The following CCDC171 variants were observed in gnomAD, a reference collection of about 807,000 sequenced individuals.
CCDC171 encodes coiled-coil domain-containing protein 171.
Under a neutral mutation model 168.2 loss-of-function variants are expected in CCDC171, and 177 were observed. The ratio of observed to expected loss-of-function variants is 1.05; its 90% CI spans 0.93 to 1.19. The LOEUF (loss-of-function observed/expected upper bound fraction) is 1.19. CCDC171 is among the 50% of genes most tolerant of loss of function. The pLI is 0.00. For missense variants in CCDC171, 1,991 were observed against 1,539.0 expected (o/e 1.29, Z -4.91); for synonymous variants, 687 against 540.8 (o/e 1.27, Z -3.75).
At chr9:15,597,517 C>G (rs1451315857) in intron 6 of CCDC171, among the ~76,000 whole-genome samples, 2 of 152,120 alleles carry the variant, frequency 1.3e-5, no homozygotes, top group Non-Finnish European at 2.9e-5. Context: ...GGTGGATAAG[C>G]TTTTTGGTGT....
intron 21 of CCDC171, among the ~76,000 whole-genome samples, chr9:15,799,653 A>G (rs1378209072): frequency 1.3e-5 from 2 of 152,060 alleles, no homozygotes; most frequent in Admixed American, 6.6e-5. Context: ...TTTTAAATGT[A>G]TAATTAAATT....
chr9:16,055,167 T>C (rs180752047), intron 1 of CCDC171, among the ~76,000 whole-genome samples: 55 of 152,336 alleles, frequency 3.6e-4, no homozygotes. Flanking sequence ...ATGTCATTTA[T>C]GGAGATGGGG....
chr9:15,689,632 A>G (rs1368274590), intron 10 of CCDC171, among the ~76,000 whole-genome samples: 1 of 152,208 alleles, frequency 6.6e-6, no homozygotes, highest in Non-Finnish European at 1.5e-5. Flanking sequence ...AATCACTTGA[A>G]TCCAGGAGCC....
intron 21 of CCDC171, among the ~76,000 whole-genome samples, chr9:15,799,102 A>G (rs1171521544): frequency 6.9e-6 from 1 of 145,098 alleles, no homozygotes; most frequent in Non-Finnish European, 1.5e-5. Context: ...AAGAAATTTT[A>G]AAAATAAGAA....
At chr9:15,650,149 A>G (rs2047393619) in intron 7 of CCDC171, among the ~76,000 whole-genome samples, 1 of 152,220 alleles carries the variant, frequency 6.6e-6, no homozygotes, top group South Asian at 2.1e-4. Flanking sequence ...TATTGCAAGG[A>G]CAAAAAACCA....
chr9:15,930,289 G>T (rs1299203204), intron 25 of CCDC171, among the ~76,000 whole-genome samples: 1 of 151,052 alleles, frequency 6.6e-6, no homozygotes, highest in African/African-American at 2.4e-5. Context: ...ATATTATTCT[G>T]TATTAGCACT....
chr9:16,070,545 GA>G, the CCDC171 span, among the ~76,000 whole-genome samples: 816 of 152,266 alleles, frequency 5.4e-3, 8 homozygotes, highest in Middle Eastern at 0.017. Context: ...AGAAGGGGTT[GA>G]GGGGCTGTGA....
chr9:16,097,782 G>C, the CCDC171 span, among the ~76,000 whole-genome samples: 1 of 152,168 alleles, frequency 6.6e-6, no homozygotes, highest in South Asian at 2.1e-4. Context: ...GCATCTCTCA[G>C]AACGAATCTG....
intron 11 of CCDC171, among the ~76,000 whole-genome samples, chr9:15,703,202 G>C (rs745876453): frequency 6.6e-6 from 1 of 152,160 alleles, no homozygotes. Flanking sequence ...CACCACGCCC[G>C]GCCGGGCCTT....
intron 25 of CCDC171, among the ~76,000 whole-genome samples, chr9:15,938,967 C>A (rs1259571594): frequency 2.6e-5 from 4 of 151,474 alleles, no homozygotes; most frequent in Non-Finnish European, 5.9e-5. Flanking sequence ...TTTGATATAT[C>A]ATTTTGTGGT....
At chr9:15,636,200 G>A (rs1433432408) in intron 7 of CCDC171, among the ~76,000 whole-genome samples, 1 of 152,090 alleles carries the variant, frequency 6.6e-6, no homozygotes, top group Non-Finnish European at 1.5e-5. Context: ...AGGAAACTGG[G>A]TATGGAGTAG....
rs533916579 is a variant in CCDC171, at chr9:15,702,945, C to T, written c.1318+7608C>T. Among the ~76,000 whole-genome samples the T allele has an allele frequency of 4.6e-5, 7 of 151,748 alleles. No homozygotes were observed. The East Asian group carries it at 9.7e-4, about 21-fold the overall frequency. On this transcript the variant is annotated intron_variant, in intron 11 of 25. Transcript: ENST00000380701. ...CTGAGACGGAGTCTCACTCTGTTGC[C>T]CAGGCTGGAGTGCAGTGGCGCGATC...
At chr9:15,578,582 T>C (rs2040862209) in intron 3 of CCDC171, among the ~76,000 whole-genome samples, 1 of 151,732 alleles carries the variant, frequency 6.6e-6, no homozygotes, top group Admixed American at 6.6e-5. Context: ...GGTGTGACTA[T>C]TTCTGATTAA....
chr9:15,800,232 A>G lies in CCDC171; in HGVS notation c.3267+15538A>G, dbSNP rs191840257. ...GGTTGTACTAATTTACATTCCCACC[A>G]ACAGCATACAAAGGTTCTTTTTTCT... On this transcript the variant is annotated intron_variant, in intron 21 of 25. Coordinates refer to ENST00000380701, the MANE Select transcript of CCDC171 (RefSeq NM_173550.4). 5.3e-5 allele frequency among the ~76,000 whole-genome samples: 8 copies of G among 152,266 alleles called. No homozygotes were observed. In the East Asian group the frequency reaches 1.5e-3, roughly 29 times the overall value.
downstream of CCDC171, among the ~76,000 whole-genome samples, chr9:15,976,419 C>T (rs980018725): frequency 6.6e-6 from 1 of 152,052 alleles, no homozygotes; most frequent in Non-Finnish European, 1.5e-5. Flanking sequence ...CATAGAGTCA[C>T]ACTCTATTGC....
chr9:15,740,030 C>A (rs998616345), intron 16 of CCDC171, among the ~76,000 whole-genome samples: 4 of 152,116 alleles, frequency 2.6e-5, no homozygotes, highest in Non-Finnish European at 5.9e-5. Flanking sequence ...AGCCACCGTG[C>A]CTGGCCCTCC....
chr9:16,041,520 A>G (rs1303545987), upstream of CCDC171, among the ~76,000 whole-genome samples: 3 of 152,168 alleles, frequency 2.0e-5, no homozygotes, highest in African/African-American at 4.8e-5. Context: ...AAGATTTTTT[A>G]GTACTTATTT....
intron 3 of CCDC171, among the ~76,000 whole-genome samples, chr9:16,014,143 C>T (rs1324978927): frequency 6.6e-6 from 1 of 152,210 alleles, no homozygotes; most frequent in South Asian, 2.1e-4. Flanking sequence ...ACTGCTTTAG[C>T]AAATTAAGTT....
chr9:15,942,652 T>C (rs970719666), intron 25 of CCDC171, among the ~76,000 whole-genome samples: 1 of 151,896 alleles, frequency 6.6e-6, no homozygotes, highest in Non-Finnish European at 1.5e-5. Flanking sequence ...GGAAGAAATA[T>C]TCTTTTAAGT....
Sources: allele counts gnomAD v4.1 joint callset (sites outside exome capture counted in the v4.1 genomes callset), GRCh38; gene constraint gnomAD v4.1.1; transcripts MANE v1.5; gene names NCBI Gene and HGNC (gene_info 2026-07-23, HGNC 2026-07-21).